The following RAB11FIP4 variants were observed in gnomAD, a reference collection of about 807,000 sequenced individuals.
RAB11FIP4 encodes the protein rab11 family-interacting protein 4.
A neutral mutation model predicts 74.3 loss-of-function variants in RAB11FIP4; 23 were observed. That is an observed-to-expected ratio of 0.31 (90% CI 0.22 to 0.44). The LOEUF (loss-of-function observed/expected upper bound fraction) is 0.44. Ranked by LOEUF, RAB11FIP4 falls within the 20% of genes least tolerant of loss-of-function variation. The pLI is 1.00. For missense variants in RAB11FIP4, 630 were observed against 863.9 expected (o/e 0.73, Z 3.39); for synonymous variants, 360 against 359.9 (o/e 1.00, Z 0.00).
intron 3 of RAB11FIP4, among the ~76,000 whole-genome samples, chr17:31,450,173 G>A (rs1246290644): frequency 6.6e-6 from 1 of 151,824 alleles, no homozygotes; most frequent in Non-Finnish European, 1.5e-5. Flanking sequence ...AGCCTCTAGT[G>A]TCCTCTGCTC....
At chr17:31,418,113 C>T (rs1453632753) in intron 1 of RAB11FIP4, among the ~76,000 whole-genome samples, 1 of 151,976 alleles carries the variant, frequency 6.6e-6, no homozygotes, top group African/African-American at 2.4e-5. Context: ...ATAGGCTAGG[C>T]GTAGTGGCTC....
intron 3 of RAB11FIP4, among the ~76,000 whole-genome samples, chr17:31,456,073 G>A (rs796362911): frequency 6.6e-5 from 10 of 152,290 alleles, no homozygotes; most frequent in African/African-American, 2.4e-4. Context: ...GTCAGAAAGC[G>A]CTGTTTGCTC....
rs1216240532 is a variant in RAB11FIP4 at position 31,449,314 on chromosome 17, C to T, written c.336+15192C>T. 3.9e-5 allele frequency among the ~76,000 whole-genome samples: 6 copies of T among 152,134 alleles called. No homozygotes were observed. In the East Asian group the frequency reaches 1.2e-3, roughly 29 times the overall value. Reference sequence around the variant, plus strand: ...CAAACAGCCCCTCACCCACAGCACCCGCACCACGCCCCTGCTGGGTCCTTT... The same window carrying T: ...CAAACAGCCCCTCACCCACAGCACCTGCACCACGCCCCTGCTGGGTCCTTT... On this transcript the variant is annotated intron_variant, in intron 3 of 14. Coordinates refer to ENST00000621161, the MANE Select transcript of RAB11FIP4 (RefSeq NM_032932.6).
chr17:31,471,932 G>A (rs950003519), intron 3 of RAB11FIP4, among the ~76,000 whole-genome samples: 2 of 152,158 alleles, frequency 1.3e-5, no homozygotes, highest in African/African-American at 2.4e-5. Flanking sequence ...GGAGGCAGAG[G>A]TGGGTGGATC....
intron 3 of RAB11FIP4, among the ~76,000 whole-genome samples, chr17:31,458,070 A>G (rs2071596749): frequency 6.6e-6 from 1 of 152,210 alleles, no homozygotes; most frequent in South Asian, 2.1e-4. Flanking sequence ...GTACTGTGGT[A>G]CCCATTTCGC....
Position 31,434,072 on chromosome 17 carries a change from A to C in RAB11FIP4, c.286A>C (p.Ser96Arg). Residue 96 changes from serine (S) to arginine (R), a missense_variant, in exon 3 of 15, where the codon AGC becomes CGC. Coordinates refer to ENST00000621161, the MANE Select transcript of RAB11FIP4 (RefSeq NM_032932.6). ...GCTGAAGGATGTGCTGTCGGTGGAG[A>C]GCGCGGGGACGCTGCCGTGCGCGCC... The part of the protein sequence containing the change: ...ELLKDVLSVE[S>R]AGTLPCAPEI... The C allele has an allele frequency of 6.3e-7, 1 of 1,587,296 alleles. No individual in the cohort carries two copies. Among genetic ancestry groups the C allele is most frequent in the Non-Finnish European group, 8.5e-7 (1 of 1,174,652 alleles).
intron 3 of RAB11FIP4, among the ~76,000 whole-genome samples, chr17:31,464,749 CTTTTTTTTTT>C (rs58083480): frequency 0.011 from 435 of 39,662 alleles, 6 homozygotes; most frequent in African/African-American, 0.033. Context: ...CTGTGCCCGG[CTTTTTTTTTT>C]TTTTTTTTTT....
At chr17:31,445,160 A>G (rs12600954) in intron 3 of RAB11FIP4, among the ~76,000 whole-genome samples, 1 of 152,164 alleles carries the variant, frequency 6.6e-6, no homozygotes, top group African/African-American at 2.4e-5. Flanking sequence ...AGAGTAGATC[A>G]CTTTTACTAA....
chr17:31,440,102 A>G (rs1755724527), intron 3 of RAB11FIP4, among the ~76,000 whole-genome samples: 1 of 152,154 alleles, frequency 6.6e-6, no homozygotes, highest in South Asian at 2.1e-4. Flanking sequence ...CTGTACCTCC[A>G]GGCTATAAAC....
chr17:31,451,320 A>G (rs762691038), intron 3 of RAB11FIP4, among the ~76,000 whole-genome samples: 6 of 152,050 alleles, frequency 3.9e-5, no homozygotes, highest in Middle Eastern at 6.8e-3. Flanking sequence ...TTAGCTGGCC[A>G]TGGTGGCAGG....
chr17:31,474,883 A>G (rs1181559149), intron 3 of RAB11FIP4, among the ~76,000 whole-genome samples: 1 of 136,928 alleles, frequency 7.3e-6, no homozygotes, highest in Non-Finnish European at 1.6e-5. Flanking sequence ...AACAAAAAAC[A>G]AAAAAAAAAC....
At chr17:31,429,419 T>A (rs896116010) in intron 1 of RAB11FIP4, among the ~76,000 whole-genome samples, 58 of 152,352 alleles carry the variant, frequency 3.8e-4, no homozygotes, top group African/African-American at 1.4e-3. Context: ...CCAGCATTTC[T>A]CAGCTGCGAG....
chr17:31,516,677 C>T (rs4349207), intron 3 of RAB11FIP4, among the ~76,000 whole-genome samples: 25,667 of 152,188 alleles, frequency 0.17, 2,373 homozygotes, highest in East Asian at 0.32. Context: ...ACCGTATTAG[C>T]CAGGGTGATC....
chr17:31,410,917 G>A (rs531119312), intron 1 of RAB11FIP4, among the ~76,000 whole-genome samples: 3 of 152,282 alleles, frequency 2.0e-5, no homozygotes, highest in South Asian at 4.1e-4. Context: ...GGAGGCCCTG[G>A]AAAATGCAGC....
At chr17:31,500,982 C>A (rs1391464874) in intron 3 of RAB11FIP4, among the ~76,000 whole-genome samples, 2 of 151,318 alleles carry the variant, frequency 1.3e-5, no homozygotes, top group Non-Finnish European at 2.9e-5. Context: ...GAGATCGTGC[C>A]ACTGCACTCC....
At chr17:31,519,043 C>A in intron 4 of RAB11FIP4, among the ~76,000 whole-genome samples, 1 of 107,828 alleles carries the variant, frequency 9.3e-6, no homozygotes. Flanking sequence ...GAGACGGAGT[C>A]TCGCTCTGTC....
chr17:31,432,324 C>A (rs2071318432), intron 2 of RAB11FIP4, among the ~76,000 whole-genome samples: 1 of 151,662 alleles, frequency 6.6e-6, no homozygotes, highest in Non-Finnish European at 1.5e-5. Flanking sequence ...CTCTGAGCTG[C>A]TGCTTTTGTG....
intron 3 of RAB11FIP4, among the ~76,000 whole-genome samples, chr17:31,511,885 G>A (rs981218200): frequency 2.2e-4 from 33 of 152,296 alleles, no homozygotes; most frequent in African/African-American, 6.7e-4. Context: ...AGGCGAACAC[G>A]GCTCTCAAGA....
chr17:31,422,886 A>G (rs1319341501), intron 1 of RAB11FIP4, among the ~76,000 whole-genome samples: 1 of 149,200 alleles, frequency 6.7e-6, no homozygotes, highest in African/African-American at 2.5e-5. Context: ...CATCTGGGTC[A>G]TCTTAGCATT....
Sources: gnomAD v4.1 joint callset for allele counts (sites outside exome capture counted in the v4.1 genomes callset) on GRCh38, gnomAD v4.1.1 for gene constraint, MANE v1.5 for transcripts, NCBI Gene and HGNC (gene_info 2026-07-23, HGNC 2026-07-21) for gene names.